Variants in SLC24A3 observed in about 807,000 individuals in gnomAD.
SLC24A3 encodes the protein solute carrier family 24 member 3.
In SLC24A3, 28 loss-of-function variants were observed where a neutral mutation model predicts 75.8. The ratio of observed to expected loss-of-function variants is 0.37; its 90% confidence interval spans 0.27 to 0.51. SLC24A3 has a LOEUF of 0.51. SLC24A3 is among the 20% of genes least tolerant of loss of function. SLC24A3 has a pLI of 0.94. For missense variants in SLC24A3, 663 were observed against 847.8 expected (o/e 0.78, Z 2.71); for synonymous variants, 372 against 334.1 (o/e 1.11, Z -1.24).
At chr20:19,448,236 C>CGATTATTTT (rs1555793718) in intron 2 of SLC24A3, among the ~76,000 whole-genome samples, 1 of 152,142 alleles carries the variant, frequency 6.6e-6, no homozygotes, top group Non-Finnish European at 1.5e-5. Flanking sequence ...CCATGATCTG[C>CGATTATTTT]GATTATTTTC....
intron 3 of SLC24A3, among the ~76,000 whole-genome samples, chr20:19,574,997 C>T (rs979736435): frequency 6.6e-6 from 1 of 152,020 alleles, no homozygotes; most frequent in Non-Finnish European, 1.5e-5. Flanking sequence ...CAGCTGCAAT[C>T]CCAGCACTTT....
chr20:19,249,258 G>C (rs2122176985), intron 1 of SLC24A3, among the ~76,000 whole-genome samples: 1 of 152,272 alleles, frequency 6.6e-6, no homozygotes, highest in African/African-American at 2.4e-5. Flanking sequence ...CAGTGCTTAT[G>C]ATGTGGAGTG....
In SLC24A3 at chr20:19,499,543, T is replaced by C. The variant is rs545245565; in HGVS notation, c.272-15945T>C. On this transcript the variant is annotated intron_variant, in intron 2 of 16. Transcript: ENST00000328041. Reference sequence around the variant, plus strand: ...TATCCTCCCACCTTAGCCTGCTGAGTAGCTGAGAATACAGTTGCATACCAC... The same window carrying C: ...TATCCTCCCACCTTAGCCTGCTGAGCAGCTGAGAATACAGTTGCATACCAC... Among the ~76,000 whole-genome samples, 6 of 152,284 alleles carry C rather than the reference T, an allele frequency of 3.9e-5. No homozygotes were observed. In the South Asian group the frequency reaches 1.2e-3, roughly 32 times the overall value.
chr20:19,660,428 G>A (rs1256589804), intron 7 of SLC24A3, among the ~76,000 whole-genome samples: 3 of 151,992 alleles, frequency 2.0e-5, no homozygotes, highest in Non-Finnish European at 4.4e-5. Flanking sequence ...TTAGAATAAT[G>A]GCCTCCAGGT....
rs2032179783 is a variant in SLC24A3 at position 19,649,756 on chromosome 20, A to T, written c.613-4306A>T. Among the ~76,000 whole-genome samples, 3 of 152,272 alleles carry T rather than the reference A, an allele frequency of 2.0e-5. No individual in the cohort carries two copies. The South Asian group carries it at 6.2e-4, about 32-fold the overall frequency. On this transcript the variant is annotated intron_variant, in intron 6 of 16. Coordinates refer to ENST00000328041, the MANE Select transcript of SLC24A3 (RefSeq NM_020689.4). ...CTGTTTTTCACCTTTGCCTGTAGTG[A>T]AGCATTGTAGTATAGTGTCTGGGAA...
At chr20:19,690,189 T>C (rs1034164152) in intron 12 of SLC24A3, among the ~76,000 whole-genome samples, 1 of 152,224 alleles carries the variant, frequency 6.6e-6, no homozygotes, top group African/African-American at 2.4e-5. Flanking sequence ...TAATGCTCAT[T>C]GAATTTCTGC....
At chr20:19,326,192 A>G (rs1984857390) in intron 2 of SLC24A3, among the ~76,000 whole-genome samples, 2 of 152,118 alleles carry the variant, frequency 1.3e-5, no homozygotes, top group South Asian at 4.2e-4. Flanking sequence ...CAAAGGGGGT[A>G]GTGCTTCATG....
chr20:19,286,356 T>G (rs1319167256), intron 2 of SLC24A3, among the ~76,000 whole-genome samples: 1 of 152,000 alleles, frequency 6.6e-6, no homozygotes, highest in African/African-American at 2.4e-5. Flanking sequence ...AAACAAGAAC[T>G]GGAGTCCAGG....
intron 2 of SLC24A3, among the ~76,000 whole-genome samples, chr20:19,375,304 T>C (rs1986065300): frequency 2.0e-5 from 3 of 152,236 alleles, no homozygotes; most frequent in Admixed American, 2.0e-4. Flanking sequence ...GTCTCAATGC[T>C]GTGGTGCATA....
intron 6 of SLC24A3, among the ~76,000 whole-genome samples, chr20:19,626,493 C>T (rs1568677243): frequency 6.6e-6 from 1 of 152,178 alleles, no homozygotes; most frequent in East Asian, 1.9e-4. Context: ...ATAAAATCCA[C>T]CTTTAGAGTA....
chr20:19,601,117 T>C (rs555688273), intron 6 of SLC24A3, among the ~76,000 whole-genome samples: 1 of 152,348 alleles, frequency 6.6e-6, no homozygotes, highest in African/African-American at 2.4e-5. Context: ...ATCTACCTAA[T>C]AGGGTTGTTG....
chr20:19,261,949 G>A (rs1014003197), intron 1 of SLC24A3: 7 of 152,236 alleles, frequency 4.6e-5, no homozygotes, highest in African/African-American at 1.7e-4. Flanking sequence ...CAGGGAGTGT[G>A]GGTGTCAAGG....
intron 1 of SLC24A3, among the ~76,000 whole-genome samples, chr20:19,275,178 A>C (rs918536707): frequency 6.6e-6 from 1 of 152,168 alleles, no homozygotes; most frequent in Non-Finnish European, 1.5e-5. Context: ...AGGAGCTGCT[A>C]TGCCCCTAAG....
At chr20:19,570,585 G>A (rs189433912) in intron 3 of SLC24A3, among the ~76,000 whole-genome samples, 4 of 152,324 alleles carry the variant, frequency 2.6e-5, no homozygotes, top group African/African-American at 7.2e-5. Flanking sequence ...GATACATAAA[G>A]TGATATAGTA....
At chr20:19,627,751 T>C (rs1341261336) in intron 6 of SLC24A3, among the ~76,000 whole-genome samples, 1 of 152,184 alleles carries the variant, frequency 6.6e-6, no homozygotes, top group Non-Finnish European at 1.5e-5. Flanking sequence ...TTCTGTTGAG[T>C]GATTTGTGAA....
intron 3 of SLC24A3, among the ~76,000 whole-genome samples, chr20:19,543,751 T>G (rs2030541172): frequency 6.6e-6 from 1 of 152,192 alleles, no homozygotes; most frequent in Non-Finnish European, 1.5e-5. Context: ...AATTGCTAAA[T>G]AAACTAGGTT....
chr20:19,259,934 G>A (rs1982931259), intron 1 of SLC24A3, among the ~76,000 whole-genome samples: 1 of 152,140 alleles, frequency 6.6e-6, no homozygotes, highest in African/African-American at 2.4e-5. Flanking sequence ...TGGAAACATT[G>A]AGGGGAAGAT....
intron 6 of SLC24A3, among the ~76,000 whole-genome samples, chr20:19,626,367 A>G (rs568169045): frequency 1.3e-5 from 2 of 152,208 alleles, no homozygotes; most frequent in Non-Finnish European, 2.9e-5. Context: ...TTTCCTGATG[A>G]TGAAACTGTG....
chr20:19,415,086 A>G (rs1986805518), intron 2 of SLC24A3, among the ~76,000 whole-genome samples: 1 of 152,224 alleles, frequency 6.6e-6, no homozygotes, highest in African/African-American at 2.4e-5. Context: ...ATAAATGTGT[A>G]TATCGAGCTT....
Sources: gnomAD v4.1 joint callset for allele counts (sites outside exome capture counted in the v4.1 genomes callset) on GRCh38, gnomAD v4.1.1 for gene constraint, MANE v1.5 for transcripts, NCBI Gene and HGNC (gene_info 2026-07-23, HGNC 2026-07-21) for gene names.